DLG2: variants seen among roughly 807,000 people sequenced by gnomAD.
The protein encoded by DLG2 is discs large MAGUK scaffold protein 2.
In DLG2, 45 loss-of-function variants were observed where a neutral mutation model predicts 132.5. That is an observed-to-expected ratio of 0.34 (90% confidence interval 0.27 to 0.44). The LOEUF is 0.44. Ranked by LOEUF, DLG2 falls within the 20% of genes least tolerant of loss-of-function variation. The pLI is 1.00. For synonymous variants in DLG2, 424 were observed against 419.6 expected, an observed-to-expected ratio of 1.01 and a Z score of -0.13; for missense variants, 1,045 against 1,196.9, an observed-to-expected ratio of 0.87 and a Z score of 1.87.
intron 6 of DLG2, among the ~76,000 whole-genome samples, chr11:84,901,779 G>C (rs1308116112): frequency 1.3e-5 from 2 of 151,976 alleles, no homozygotes; most frequent in African/African-American, 4.8e-5. Flanking sequence ...AATCTAGTTT[G>C]ACATCAACAA....
rs765954571 is a variant in DLG2 at position 84,163,528 on chromosome 11, A to C, written c.574-17T>G. 2.5e-5 allele frequency: 40 copies of C among 1,591,280 alleles called. No individual in the cohort carries two copies. Among genetic ancestry groups the C allele is most frequent in the Non-Finnish European group, 1.7e-6 (2 of 1,166,476 alleles). ...CCCATTGACCTGTAAATAGGGAAAA[A>C]ATAAGAAGAGAACTATTAAATACAT... is the stretch of plus-strand genomic sequence containing the variant. On this transcript the variant is annotated splice_polypyrimidine_tract_variant and intron_variant, in intron 8 of 27. Transcript: ENST00000376104.
chr11:84,720,729 G>T (rs575344522), intron 6 of DLG2: 1 of 152,494 alleles, frequency 6.6e-6, no homozygotes, highest in African/African-American at 2.4e-5. Context: ...TTAGAGGAGG[G>T]TTCAAAGGAG....
chr11:84,430,991 C>T (rs537221601), intron 7 of DLG2, among the ~76,000 whole-genome samples: 8 of 152,112 alleles, frequency 5.3e-5, no homozygotes, highest in Non-Finnish European at 1.2e-4. Flanking sequence ...CAGGTCAGAC[C>T]ACTCTTCAAT....
chr11:83,801,506 G>C (rs1336844421), intron 17 of DLG2, among the ~76,000 whole-genome samples: 1 of 151,908 alleles, frequency 6.6e-6, no homozygotes, highest in Non-Finnish European at 1.5e-5. Context: ...TGGCCACAAG[G>C]GCCTTCATTC....
At chr11:84,310,095 T>G (rs2098271557) in intron 7 of DLG2, among the ~76,000 whole-genome samples, 1 of 152,190 alleles carries the variant, frequency 6.6e-6, no homozygotes, top group African/African-American at 2.4e-5. Context: ...AATCCAGGAT[T>G]CTGCAGGGGA....
intron 6 of DLG2, among the ~76,000 whole-genome samples, chr11:84,741,618 C>A (rs919282816): frequency 2.0e-5 from 3 of 151,900 alleles, no homozygotes; most frequent in Non-Finnish European, 4.4e-5. Flanking sequence ...CCACCTAGAA[C>A]CAAAGCTAAT....
intron 4 of DLG2, among the ~76,000 whole-genome samples, chr11:85,164,561 T>C (rs1445997675): frequency 6.6e-6 from 1 of 152,172 alleles, no homozygotes; most frequent in East Asian, 1.9e-4. Flanking sequence ...CTATTCTTCC[T>C]TCATTTAAAA....
intron 3 of DLG2, among the ~76,000 whole-genome samples, chr11:85,470,146 T>TAAA (rs533121148): frequency 4.7e-4 from 58 of 123,012 alleles, no homozygotes; most frequent in African/African-American, 1.7e-3. Context: ...ACCAACAATG[T>TAAA]AAAAAAAAAA....
At chr11:85,510,392 C>T (rs1436093985) in intron 3 of DLG2, among the ~76,000 whole-genome samples, 5 of 152,026 alleles carry the variant, frequency 3.3e-5, no homozygotes, top group Non-Finnish European at 5.9e-5. Context: ...AACTAAAGAG[C>T]TTCTGCACAG....
At chr11:85,400,019 C>A (rs1459663090) in intron 3 of DLG2, among the ~76,000 whole-genome samples, 1 of 151,944 alleles carries the variant, frequency 6.6e-6, no homozygotes, top group African/African-American at 2.4e-5. Context: ...AGAAAATTTT[C>A]ACATCCTACT....
At chr11:84,988,568 G>A (rs371310929) in intron 6 of DLG2, among the ~76,000 whole-genome samples, 5 of 152,110 alleles carry the variant, frequency 3.3e-5, no homozygotes, top group African/African-American at 4.8e-5. Flanking sequence ...AATGGCTTTC[G>A]CAGCAACCTG....
At chr11:85,347,945 A>C (rs556630854) in intron 3 of DLG2, among the ~76,000 whole-genome samples, 1 of 139,826 alleles carries the variant, frequency 7.2e-6, no homozygotes, top group Non-Finnish European at 1.5e-5. Context: ...TTGGGACTAC[A>C]GACTCATGCC....
chr11:84,786,269 G>A (rs1027151466), intron 6 of DLG2, among the ~76,000 whole-genome samples: 6 of 152,032 alleles, frequency 3.9e-5, no homozygotes, highest in African/African-American at 1.4e-4. Flanking sequence ...TGAAAAATTA[G>A]AATAATAAAA....
intron 4 of DLG2, among the ~76,000 whole-genome samples, chr11:85,240,291 G>A (rs934252152): frequency 2.0e-5 from 3 of 151,410 alleles, no homozygotes; most frequent in Non-Finnish European, 3.0e-5. Context: ...TATTGATGTT[G>A]ACTTTATATA....
intron 7 of DLG2, among the ~76,000 whole-genome samples, chr11:84,490,898 T>TGTGTGTGA (rs1296327331): frequency 6.6e-6 from 1 of 151,850 alleles, no homozygotes; most frequent in African/African-American, 2.4e-5. Flanking sequence ...TGTGTGTGTG[T>TGTGTGTGA]GTGTGTGTGT....
At position 84,695,553 on chromosome 11, in the gene DLG2, A is replaced by G. The variant is rs573677659; in HGVS notation, c.358-160822T>C. On this transcript the variant is annotated intron_variant, in intron 6 of 27. Transcript: ENST00000376104. ...AAAATAACTGGTACTGTAGAAATTT[A>G]TAATAGCTTTGTCAGAAAGCATGGA... Among the ~76,000 whole-genome samples the G allele has an allele frequency of 2.0e-4, 31 of 151,776 alleles. No homozygotes were observed. In the South Asian group the frequency reaches 3.3e-3, roughly 16 times the overall value.
intron 3 of DLG2, among the ~76,000 whole-genome samples, chr11:85,538,224 C>A (rs902681481): frequency 1.3e-5 from 2 of 152,006 alleles, no homozygotes; most frequent in Non-Finnish European, 1.5e-5. Flanking sequence ...CAATTCTAGA[C>A]ACACTATCCC....
intron 10 of DLG2, among the ~76,000 whole-genome samples, chr11:84,093,597 G>A (rs2097127132): frequency 6.6e-6 from 1 of 151,886 alleles, no homozygotes; most frequent in African/African-American, 2.4e-5. Flanking sequence ...TAGAATCTTG[G>A]GGAGTGGCAT....
At chr11:84,132,871 C>A (rs1214506627) in intron 9 of DLG2, among the ~76,000 whole-genome samples, 2 of 151,872 alleles carry the variant, frequency 1.3e-5, no homozygotes, top group Admixed American at 1.3e-4. Context: ...ACAGAATTAG[C>A]ATTATTTTAA....
Sources: gnomAD v4.1 joint callset for allele counts (sites outside exome capture counted in the v4.1 genomes callset) on GRCh38, gnomAD v4.1.1 for gene constraint, MANE v1.5 for transcripts, NCBI Gene and HGNC (gene_info 2026-07-23, HGNC 2026-07-21) for gene names.